The following ARHGAP6 variants were observed in gnomAD, a reference collection of about 807,000 sequenced individuals.
ARHGAP6 encodes the protein Rho GTPase activating protein 6, also known as rho GTPase-activating protein 6.
ARHGAP6 carries 16 observed loss-of-function variants against 55.7 expected under a neutral mutation model. The ratio of observed to expected loss-of-function variants is 0.29; its 90% CI spans 0.19 to 0.44. ARHGAP6 has a LOEUF of 0.44. ARHGAP6 is among the 20% of genes least tolerant of loss of function. The probability of loss-of-function intolerance (pLI) is 1.00; values close to 1 mark genes in which losing one functional copy is unlikely to be tolerated. For synonymous variants in ARHGAP6, 382 were observed against 360.9 expected, an observed-to-expected ratio of 1.06 and a Z score of -0.66; for missense variants, 698 against 808.9, an observed-to-expected ratio of 0.86 and a Z score of 1.66.
At chrX:11,231,959 T>G (rs1456953870) in intron 2 of ARHGAP6, among the ~76,000 whole-genome samples, 5 of 112,315 alleles carry the variant, frequency 4.5e-5, no homozygotes, top group Non-Finnish European at 7.5e-5. Flanking sequence ...TACCAATATC[T>G]TCATGATTTT....
intron 1 of ARHGAP6, among the ~76,000 whole-genome samples, chrX:11,310,026 G>C (rs1356201595): frequency 9.1e-6 from 1 of 109,402 alleles, no homozygotes; most frequent in Non-Finnish European, 1.9e-5. Flanking sequence ...CTGGTGTGGT[G>C]GTGCGTGCCC....
intron 1 of ARHGAP6, among the ~76,000 whole-genome samples, chrX:11,474,447 T>C (rs1329154468): frequency 1.8e-5 from 2 of 112,431 alleles, no homozygotes; most frequent in Non-Finnish European, 3.8e-5. Flanking sequence ...ACTCAGAAGA[T>C]GGAATGCTAG....
rs1360402716 is a variant in ARHGAP6 at position 11,139,280 on chromosome X, C to CCTGG, written c.2504_2507dup (p.Arg836SerfsTer19). 2.5e-6 allele frequency: 3 copies of CCTGG among 1,191,228 alleles called. No homozygotes were observed. Among genetic ancestry groups the CCTGG allele is most frequent in the Non-Finnish European group, 2.3e-6 (2 of 886,291 alleles). On this transcript the variant is annotated frameshift_variant, in exon 13 of 13. Coordinates refer to ENST00000337414, the MANE Select transcript of ARHGAP6 (RefSeq NM_013427.3). LOFTEE classifies it low-confidence loss of function (END_TRUNC). ...CGCTCAGGGTCAAGTACTGCTCCGA[C>CCTGG]CTGGCCGTGGGCCGCTCGGCTTTCC...
chrX:11,607,997 T>C (rs753401387), intron 1 of ARHGAP6, among the ~76,000 whole-genome samples: 4 of 112,578 alleles, frequency 3.6e-5, no homozygotes, highest in African/African-American at 9.7e-5. Flanking sequence ...AATTATATCT[T>C]GTGGATACAG....
At chrX:11,491,152 C>G (rs1463589728) in intron 1 of ARHGAP6, among the ~76,000 whole-genome samples, 1 of 111,645 alleles carries the variant, frequency 9.0e-6, no homozygotes, top group African/African-American at 3.3e-5. Flanking sequence ...TTTTAATGAC[C>G]CTTGTTATTT....
chrX:11,509,201 A>G (rs1201055457), intron 1 of ARHGAP6, among the ~76,000 whole-genome samples: 4 of 112,008 alleles, frequency 3.6e-5, no homozygotes, highest in Non-Finnish European at 5.6e-5. Context: ...AACTCCCCCA[A>G]ATTCTTTATT....
At chrX:11,469,220 A>G (rs2050324736) in intron 1 of ARHGAP6, among the ~76,000 whole-genome samples, 1 of 112,945 alleles carries the variant, frequency 8.9e-6, no homozygotes, top group African/African-American at 3.2e-5. Flanking sequence ...AAACTATGTC[A>G]GAATTCTAGG....
intron 1 of ARHGAP6, among the ~76,000 whole-genome samples, chrX:11,451,238 CT>C (rs1262175813): frequency 1.7e-4 from 19 of 111,919 alleles, no homozygotes; most frequent in Non-Finnish European, 3.2e-4. Flanking sequence ...CAAGATGTGG[CT>C]TTTCTTTCTC....
chrX:11,658,964 C>T (rs2052667393), intron 1 of ARHGAP6, among the ~76,000 whole-genome samples: 1 of 110,042 alleles, frequency 9.1e-6, no homozygotes, highest in Non-Finnish European at 1.9e-5. Flanking sequence ...AAAAATGCTG[C>T]CAGGCATTGC....
At chrX:11,533,032 T>C (rs2051067947) in intron 1 of ARHGAP6, among the ~76,000 whole-genome samples, 1 of 111,638 alleles carries the variant, frequency 9.0e-6, no homozygotes, top group Non-Finnish European at 1.9e-5. Context: ...TTTCAACTCA[T>C]ACAAAAAATT....
At chrX:11,418,689 C>A (rs2049784415) in intron 1 of ARHGAP6, among the ~76,000 whole-genome samples, 1 of 111,763 alleles carries the variant, frequency 8.9e-6, no homozygotes, top group Non-Finnish European at 1.9e-5. Context: ...CTACTAAATG[C>A]TTTAATAGGT....
At position 11,254,714 on chromosome X, in the gene ARHGAP6, G is replaced by C. The variant is rs1351140774; in HGVS notation, c.589-7C>G. The C allele has an allele frequency of 5.1e-6, 5 of 983,893 alleles. No homozygotes were observed. The highest frequency in any genetic ancestry group is 5.4e-5 in the Admixed American group (1 of 18,440). 81.1% of individuals were successfully genotyped at this position (983,893 alleles called of 1,213,427 possible). Reference sequence around the variant, plus strand: ...TGTTCCAGGTGAAATCACCCTGTAGGCCAAAAAAAAAAAAAAAAAAAAAAT... The same window carrying C: ...TGTTCCAGGTGAAATCACCCTGTAGCCCAAAAAAAAAAAAAAAAAAAAAAT... On this transcript the variant is annotated splice_region_variant and splice_polypyrimidine_tract_variant and intron_variant, in intron 1 of 12. Transcript: ENST00000337414.
chrX:11,621,863 G>T (rs924661210), intron 1 of ARHGAP6, among the ~76,000 whole-genome samples: 1 of 111,360 alleles, frequency 9.0e-6, no homozygotes, highest in Non-Finnish European at 1.9e-5. Context: ...TAGTCAAACT[G>T]CAAAATATCA....
intron 10 of ARHGAP6, among the ~76,000 whole-genome samples, chrX:11,156,233 C>G (rs148631031): frequency 2.7e-5 from 3 of 112,311 alleles, no homozygotes; most frequent in Non-Finnish European, 5.6e-5. Context: ...GTATTATAGT[C>G]CCTTGCCAGT....
intron 1 of ARHGAP6, among the ~76,000 whole-genome samples, chrX:11,382,540 A>T: frequency 9.0e-6 from 1 of 111,506 alleles, no homozygotes; most frequent in East Asian, 2.8e-4. Context: ...TGTACTCAGA[A>T]TTTTTTCTTA....
chrX:11,602,284 TG>T (rs1183806683), intron 1 of ARHGAP6, among the ~76,000 whole-genome samples: 1 of 112,516 alleles, frequency 8.9e-6, no homozygotes, highest in Non-Finnish European at 1.9e-5. Flanking sequence ...TCTGGGTATC[TG>T]CTAGGATTCT....
intron 2 of ARHGAP6, among the ~76,000 whole-genome samples, chrX:11,229,456 A>G (rs2047097412): frequency 8.9e-6 from 1 of 112,115 alleles, no homozygotes; most frequent in African/African-American, 3.2e-5. Context: ...TGTATGCTTA[A>G]CAATTACTTC....
chrX:11,208,041 A>G (rs996782254), intron 2 of ARHGAP6, among the ~76,000 whole-genome samples: 7 of 112,029 alleles, frequency 6.2e-5, no homozygotes, highest in African/African-American at 2.3e-4. Context: ...AGTACTGAAT[A>G]ATTGAAAGAA....
At chrX:11,362,002 A>G (rs1569315300) in intron 1 of ARHGAP6, among the ~76,000 whole-genome samples, 2 of 111,760 alleles carry the variant, frequency 1.8e-5, no homozygotes, top group African/African-American at 3.3e-5. Flanking sequence ...AAGTCAGGAA[A>G]CAACAGGTGC....
Sources: gnomAD v4.1 joint callset for allele counts (sites outside exome capture counted in the v4.1 genomes callset) on GRCh38, gnomAD v4.1.1 for gene constraint, MANE v1.5 for transcripts, NCBI Gene and HGNC (gene_info 2026-07-23, HGNC 2026-07-21) for gene names.